Variants in TYW3 observed in about 807,000 individuals in gnomAD.
TYW3 encodes the protein tRNA-yW synthesizing protein 3 homolog, also known as tRNA wybutosine-synthesizing protein 3 homolog.
Under a neutral mutation model 23.1 loss-of-function variants are expected in TYW3, and 26 were observed. The ratio of observed to expected loss-of-function variants is 1.13; its 90% CI spans 0.83 to 1.56. The LOEUF is 1.56. TYW3 is among the 40% of genes most tolerant of loss of function. The probability of loss-of-function intolerance (pLI) is 0.00; values close to 1 mark genes in which losing one functional copy is unlikely to be tolerated. For missense variants in TYW3, 316 were observed against 311.9 expected (o/e 1.01, Z -0.10); for synonymous variants, 102 against 105.7 (o/e 0.97, Z 0.21).
intron 4 of TYW3, chr1:74,750,207 TCTTA>T (rs1186632352): frequency 1.3e-5 from 2 of 152,102 alleles, no homozygotes; most frequent in African/African-American, 4.8e-5. Flanking sequence ...CGACTAGTCT[TCTTA>T]CTTTAGGTCT....
At chr1:74,752,003 T>C (rs1208748130) in intron 4 of TYW3, among the ~76,000 whole-genome samples, 1 of 152,246 alleles carries the variant, frequency 6.6e-6, no homozygotes, top group Admixed American at 6.5e-5. Context: ...TTCTAAGCTA[T>C]AGTGAGATTG....
At chr1:74,744,327 C>T (rs1433989137) in intron 3 of TYW3, among the ~76,000 whole-genome samples, 3 of 151,872 alleles carry the variant, frequency 2.0e-5, no homozygotes, top group Admixed American at 2.0e-4. Flanking sequence ...TTTATACTGC[C>T]CTCAGGTGGC....
In TYW3 at chr1:74,746,095, C is replaced by T. The variant is rs142754972; in HGVS notation, c.355-2656C>T. On this transcript the variant is annotated intron_variant, in intron 3 of 5. Transcript: ENST00000370867. ...GTAGACACAATTCAGTCCGTAAAAA[C>T]ACCACCTAAGTGAAAATTTCAAATA... 4.6e-5 allele frequency among the ~76,000 whole-genome samples: 7 copies of T among 152,348 alleles called. No homozygotes were observed. In the South Asian group the frequency reaches 1.2e-3, roughly 27 times the overall value.
At chr1:74,752,123 A>G (rs535727178) in intron 4 of TYW3, among the ~76,000 whole-genome samples, 169 bp from the exon 5 acceptor site, 1 of 152,352 alleles carries the variant, frequency 6.6e-6, no homozygotes, top group South Asian at 2.1e-4. Flanking sequence ...AATTTTATTT[A>G]ATCTCCTTTG....
Position 74,733,228 on chromosome 1 carries a change from C to T in TYW3, c.-17C>T, listed in dbSNP as rs373427683. 66 of 1,613,028 alleles carry T rather than the reference C, an allele frequency of 4.1e-5. No homozygotes were observed. The highest frequency in any genetic ancestry group is 5.2e-5 in the Non-Finnish European group (61 of 1,179,454). On this transcript the variant is annotated 5_prime_UTR_variant, in exon 1 of 6. Coordinates refer to ENST00000370867, the MANE Select transcript of TYW3 (RefSeq NM_138467.3). ...CTACCATGAAGGAGCCGAGCGCAGA[C>T]CCTGAGTCCGTCACCCATGGATCGC...
chr1:74,738,625 G>A (rs1404111208), intron 2 of TYW3, 65 bp from the exon 3 acceptor site: 15 of 1,056,250 alleles, frequency 1.4e-5, no homozygotes, highest in Non-Finnish European at 2.0e-5. Context: ...AGTTATGTAT[G>A]GGGTAAAGGG....
At chr1:74,744,999 G>A (rs1031888778) in intron 3 of TYW3, among the ~76,000 whole-genome samples, 6 of 152,178 alleles carry the variant, frequency 3.9e-5, no homozygotes, top group Middle Eastern at 3.4e-3. Flanking sequence ...TAAAGGTGGC[G>A]CGTCCAGAGT....
intron 5 of TYW3, among the ~76,000 whole-genome samples, chr1:74,759,768 G>A (rs72677727): frequency 0.044 from 6,718 of 152,124 alleles, 174 homozygotes; most frequent in Non-Finnish European, 0.058. Context: ...TCAGCTTCCC[G>A]AGTAGCTGTT....
At chr1:74,756,465 C>T (rs1438662258) in intron 5 of TYW3, among the ~76,000 whole-genome samples, 1 of 152,116 alleles carries the variant, frequency 6.6e-6, no homozygotes, top group Admixed American at 6.5e-5. Context: ...TATGTTTTAG[C>T]AAAGAGACTG....
At chr1:74,743,562 C>T (rs564798475) in intron 3 of TYW3, among the ~76,000 whole-genome samples, 1 of 152,294 alleles carries the variant, frequency 6.6e-6, no homozygotes, top group Non-Finnish European at 1.5e-5. Context: ...TTCTTCCTTT[C>T]CCTGAGTTAT....
intron 4 of TYW3, 148 bp downstream of exon 4, chr1:74,748,970 T>C (rs1648686069): frequency 1.4e-6 from 1 of 712,336 alleles, no homozygotes; most frequent in East Asian, 2.8e-5. Flanking sequence ...TACTCCTTCC[T>C]ACAGGGCAAA....
chr1:74,740,525 C>A (rs189633579), intron 3 of TYW3, among the ~76,000 whole-genome samples: 2 of 152,192 alleles, frequency 1.3e-5, no homozygotes, highest in African/African-American at 2.4e-5. Flanking sequence ...GCTGATTGGT[C>A]GCTTTTACAG....
intron 3 of TYW3, among the ~76,000 whole-genome samples, chr1:74,739,938 AG>A (rs1648293830): frequency 6.6e-6 from 1 of 152,302 alleles, no homozygotes; most frequent in Middle Eastern, 3.4e-3. Flanking sequence ...AGGGAGGAGG[AG>A]AAAGAGGAAT....
At chr1:74,750,044 A>G (rs542324000) in intron 4 of TYW3, 1 of 152,360 alleles carries the variant, frequency 6.6e-6, no homozygotes, top group African/African-American at 2.4e-5. Context: ...ATGAAAGCAG[A>G]GCCATTCTTT....
intron 3 of TYW3, among the ~76,000 whole-genome samples, chr1:74,739,318 C>T (rs1313713340): frequency 1.3e-5 from 2 of 152,096 alleles, no homozygotes; most frequent in South Asian, 4.1e-4. Flanking sequence ...GTCTTGGTTC[C>T]TCTTCCAAAG....
intron 2 of TYW3, 148 bp from the exon 3 acceptor site, chr1:74,738,542 C>G (rs2100755332): frequency 2.1e-6 from 1 of 465,500 alleles, no homozygotes; most frequent in Middle Eastern, 3.0e-4. Flanking sequence ...GAAAAAGGAC[C>G]AAGAAAGCAG....
At position 74,764,302 on chromosome 1, in the gene TYW3, C is replaced by T. The variant is rs117595788; in HGVS notation, c.*189C>T. The T allele has an allele frequency of 1.9e-3, 950 of 500,128 alleles. 18 individuals carry two copies. The East Asian group carries it at 0.027, about 14-fold the overall frequency. The allele number at this position is 500,128 out of a possible 1,614,324, so 31.0% of individuals were successfully genotyped here. On this transcript the variant is annotated 3_prime_UTR_variant, in exon 6 of 6. Transcript: ENST00000370867. ...TGTCATCTAAGCTCTCAGCAGTACC[C>T]GGCTTATCCTACGACTTCACCTGAA...
rs2100782776 is a variant in TYW3 at position 74,765,370 on chromosome 1, G to T, written c.*1257G>T. 6.6e-6 allele frequency: 1 copy of T among 152,280 alleles called. No homozygotes were observed. Among genetic ancestry groups the T allele is most frequent in the Non-Finnish European group, 1.5e-5 (1 of 68,034 alleles). The allele number at this position is 152,280 out of a possible 1,614,324, so 9.4% of individuals were successfully genotyped here. Reference sequence around the variant, plus strand: ...TGGGTCTAAGGCAGTTTCCAGGAAAGCATGGCAACTCGTTCAGCTATGTAA... The same window carrying T: ...TGGGTCTAAGGCAGTTTCCAGGAAATCATGGCAACTCGTTCAGCTATGTAA... On this transcript the variant is annotated 3_prime_UTR_variant, in exon 6 of 6. Coordinates refer to ENST00000370867, the MANE Select transcript of TYW3 (RefSeq NM_138467.3).
intron 3 of TYW3, among the ~76,000 whole-genome samples, chr1:74,739,776 A>C (rs1035373355): frequency 6.6e-6 from 1 of 152,240 alleles, no homozygotes; most frequent in African/African-American, 2.4e-5. Context: ...AAAGGAGTGC[A>C]GTAAGTGAAA....
Sources: allele counts gnomAD v4.1 joint callset (sites outside exome capture counted in the v4.1 genomes callset), GRCh38; gene constraint gnomAD v4.1.1; transcripts MANE v1.5; gene names NCBI Gene and HGNC (gene_info 2026-07-23, HGNC 2026-07-21).